The following CTNNA2 variants were observed in gnomAD, a reference collection of about 807,000 sequenced individuals.
CTNNA2 encodes the protein catenin alpha 2.
Under a neutral mutation model 101.0 loss-of-function variants are expected in CTNNA2, and 42 were observed. The ratio of observed to expected loss-of-function variants is 0.42; its 90% CI spans 0.32 to 0.54. CTNNA2 has a LOEUF of 0.54. Ranked by LOEUF, CTNNA2 falls within the 20% of genes least tolerant of loss-of-function variation. The pLI, the probability that CTNNA2 is intolerant of heterozygous loss-of-function variation, is 0.14. For missense variants in CTNNA2, 871 were observed against 1,223.1 expected, an observed-to-expected ratio of 0.71 and a Z score of 4.29; for synonymous variants, 450 against 456.4, an observed-to-expected ratio of 0.99 and a Z score of 0.18.
At chr2:80,031,067 T>C (rs1448256135) in intron 7 of CTNNA2, among the ~76,000 whole-genome samples, 1 of 152,236 alleles carries the variant, frequency 6.6e-6, no homozygotes, top group Non-Finnish European at 1.5e-5. Context: ...TATTTTTTAA[T>C]GTGCATATCT....
intron 7 of CTNNA2, among the ~76,000 whole-genome samples, chr2:79,974,501 A>G (rs1690701463): frequency 6.6e-6 from 1 of 152,190 alleles, no homozygotes; most frequent in South Asian, 2.1e-4. Context: ...CCAAGTCTCA[A>G]ACTGACCACA....
intron 7 of CTNNA2, among the ~76,000 whole-genome samples, chr2:80,084,753 A>C (rs972848553): frequency 2.6e-5 from 4 of 152,052 alleles, no homozygotes; most frequent in Admixed American, 2.0e-4. Flanking sequence ...GCAGTTCCTG[A>C]GGCACTTATG....
intron 7 of CTNNA2, among the ~76,000 whole-genome samples, chr2:80,372,211 T>C (rs1573872848): frequency 6.6e-6 from 1 of 152,124 alleles, no homozygotes; most frequent in Non-Finnish European, 1.5e-5. Flanking sequence ...GGCCAATCCA[T>C]GGACTCTCAT....
intron 2 of CTNNA2, among the ~76,000 whole-genome samples, chr2:79,250,561 G>C (rs567393672): frequency 2.0e-5 from 3 of 152,178 alleles, no homozygotes; most frequent in Non-Finnish European, 2.9e-5. Context: ...ACCCTTGAGC[G>C]AGACAGGTAG....
chr2:80,483,963 A>G (rs1007394811), intron 9 of CTNNA2, among the ~76,000 whole-genome samples: 8 of 152,306 alleles, frequency 5.3e-5, no homozygotes, highest in Non-Finnish European at 1.2e-4. Context: ...CATCATGGGT[A>G]AATGTGAAGT....
At chr2:79,516,353 T>C (rs1157555661) in intron 1 of CTNNA2, among the ~76,000 whole-genome samples, 1 of 152,140 alleles carries the variant, frequency 6.6e-6, no homozygotes, top group African/African-American at 2.4e-5. Context: ...ACTAGAGGAA[T>C]TGGGAAGAAG....
chr2:80,514,180 C>G (rs1283269982), intron 9 of CTNNA2, among the ~76,000 whole-genome samples: 1 of 152,088 alleles, frequency 6.6e-6, no homozygotes, highest in Non-Finnish European at 1.5e-5. Flanking sequence ...GATGGGGGTG[C>G]TCTGATTACT....
chr2:79,769,889 G>A (rs1673446603), intron 3 of CTNNA2, among the ~76,000 whole-genome samples: 1 of 152,202 alleles, frequency 6.6e-6, no homozygotes, highest in Non-Finnish European at 1.5e-5. Flanking sequence ...GTTTATATCT[G>A]TGCTGTCTAG....
chr2:80,154,734 T>G (rs1380261284), intron 7 of CTNNA2, among the ~76,000 whole-genome samples: 2 of 152,060 alleles, frequency 1.3e-5, no homozygotes, highest in Non-Finnish European at 1.5e-5. Context: ...CAGGGGTGAG[T>G]CCTATGTGTC....
intron 7 of CTNNA2, among the ~76,000 whole-genome samples, chr2:80,242,154 A>T (rs1670988245): frequency 6.6e-6 from 1 of 152,228 alleles, no homozygotes; most frequent in South Asian, 2.1e-4. Flanking sequence ...AGACTGGAGA[A>T]GATTTTATGG....
At chr2:79,806,836 C>T (rs1047780409) in intron 3 of CTNNA2, among the ~76,000 whole-genome samples, 2 of 151,996 alleles carry the variant, frequency 1.3e-5, no homozygotes, top group South Asian at 2.1e-4. Flanking sequence ...TTATCCCCCA[C>T]GTGCCTCATA....
rs139954316 is a variant in CTNNA2 at position 79,647,455 on chromosome 2, G to A, written c.-5-4097G>A. On this transcript the variant is annotated intron_variant, in intron 1 of 18. Coordinates refer to ENST00000402739, the MANE Select transcript of CTNNA2 (RefSeq NM_001282597.3). ...TTTCATTTGAGGAAACTGGGACTCAGAAAGGGCAGGCAATTGAACAGTATC... is the reference window on the plus strand; with the variant it reads ...TTTCATTTGAGGAAACTGGGACTCAAAAAGGGCAGGCAATTGAACAGTATC... Among the ~76,000 whole-genome samples the A allele has an allele frequency of 1.3e-4, 20 of 152,198 alleles. 2 individuals are homozygous for A. In the East Asian group the frequency reaches 3.7e-3, roughly 28 times the overall value.
At chr2:80,202,527 A>G (rs1472315152) in intron 7 of CTNNA2, among the ~76,000 whole-genome samples, 1 of 152,186 alleles carries the variant, frequency 6.6e-6, no homozygotes, top group East Asian at 1.9e-4. Context: ...ATTTGCATTA[A>G]TAGCAAACCT....
chr2:80,146,191 G>T (rs1009188235), intron 7 of CTNNA2, among the ~76,000 whole-genome samples: 5 of 152,312 alleles, frequency 3.3e-5, no homozygotes, highest in African/African-American at 1.2e-4. Context: ...ATGGAGGTGA[G>T]ACTATTTTGA....
chr2:80,070,725 A>T (rs1392380128), intron 7 of CTNNA2, among the ~76,000 whole-genome samples: 1 of 151,006 alleles, frequency 6.6e-6, no homozygotes, highest in Admixed American at 6.6e-5. Flanking sequence ...CTCAAAAAAA[A>T]AAAAAAGTCT....
chr2:79,657,121 G>T (rs1048012422), intron 2 of CTNNA2, among the ~76,000 whole-genome samples: 6 of 151,708 alleles, frequency 4.0e-5, no homozygotes, highest in African/African-American at 1.4e-4. Flanking sequence ...CACTAGAATA[G>T]AATGCAAATG....
At chr2:80,544,560 T>C (rs1455097248) in intron 9 of CTNNA2, among the ~76,000 whole-genome samples, 1 of 152,110 alleles carries the variant, frequency 6.6e-6, no homozygotes, top group Non-Finnish European at 1.5e-5. Context: ...GTCAGCTTAC[T>C]ATGAGTCTCT....
chr2:80,309,179 G>T (rs1326806757), intron 7 of CTNNA2, among the ~76,000 whole-genome samples: 6 of 152,098 alleles, frequency 3.9e-5, no homozygotes, highest in African/African-American at 1.4e-4. Flanking sequence ...CTCTCCACAG[G>T]TTTTCTCTAT....
chr2:79,197,477 T>C (rs1331487324), intron 1 of CTNNA2, among the ~76,000 whole-genome samples: 1 of 150,866 alleles, frequency 6.6e-6, no homozygotes, highest in Middle Eastern at 3.2e-3. Flanking sequence ...ACAGAGGTTG[T>C]CATTTGGTTT....
Sources: gnomAD v4.1 joint callset for allele counts (sites outside exome capture counted in the v4.1 genomes callset) on GRCh38, gnomAD v4.1.1 for gene constraint, MANE v1.5 for transcripts, NCBI Gene and HGNC (gene_info 2026-07-23, HGNC 2026-07-21) for gene names.